CSMD1: variants seen among roughly 807,000 people sequenced by gnomAD.
CSMD1 encodes the protein CUB and sushi domain-containing protein 1.
A neutral mutation model predicts 417.5 loss-of-function variants in CSMD1; 213 were observed. That is an observed-to-expected ratio of 0.51 (90% confidence interval 0.46 to 0.57). CSMD1 has a LOEUF of 0.57. Among genes scored for constraint, CSMD1 ranks in the 20% least tolerant of loss-of-function variants. The pLI, the probability that CSMD1 is intolerant of heterozygous loss-of-function variation, is 0.00. For synonymous variants in CSMD1, 2,862 were observed against 1,736.8 expected, an observed-to-expected ratio of 1.65 and a Z score of -16.11; for missense variants, 6,923 against 4,529.7, an observed-to-expected ratio of 1.53 and a Z score of -15.17.
chr8:3,157,206 G>C (rs890716950), intron 39 of CSMD1, among the ~76,000 whole-genome samples: 2 of 152,064 alleles, frequency 1.3e-5, no homozygotes, highest in Non-Finnish European at 2.9e-5. Context: ...ACAACAAATA[G>C]GTGATGGGTG....
intron 7 of CSMD1, among the ~76,000 whole-genome samples, chr8:3,642,511 G>A (rs1043086269): frequency 9.9e-5 from 15 of 152,138 alleles, no homozygotes; most frequent in African/African-American, 3.6e-4. Flanking sequence ...GAGAAAAACT[G>A]CCTTTATCCA....
intron 26 of CSMD1, among the ~76,000 whole-genome samples, chr8:3,239,815 G>A (rs1343990282): frequency 6.6e-6 from 1 of 152,124 alleles, no homozygotes; most frequent in Non-Finnish European, 1.5e-5. Context: ...GGGAAATGGG[G>A]TGAATGTCAG....
In CSMD1 at chr8:2,937,571, AC is replaced by A. The variant is rs780862838; in HGVS notation, c.*1013del. On this transcript the variant is annotated 3_prime_UTR_variant, in exon 70 of 70. Transcript: ENST00000635120. Reference sequence around the variant, plus strand: ...ACATGGCAAACAGAAATTTCTGCAAACCCCCTGCTATTAAGTAGTATCAGAG... The same window carrying A: ...ACATGGCAAACAGAAATTTCTGCAAACCCCTGCTATTAAGTAGTATCAGAG... The A allele has an allele frequency of 6.6e-6, 1 of 152,158 alleles. No individual in the cohort carries two copies. The highest frequency in any genetic ancestry group is 1.5e-5 in the Non-Finnish European group (1 of 68,028). The allele number at this position is 152,158 out of a possible 1,614,324, so 9.4% of individuals were successfully genotyped here.
chr8:3,631,230 C>G (rs1382643975), intron 7 of CSMD1, among the ~76,000 whole-genome samples: 1 of 152,174 alleles, frequency 6.6e-6, no homozygotes, highest in Non-Finnish European at 1.5e-5. Context: ...CAGCACGTAA[C>G]ACGATCACAA....
At chr8:4,677,918 A>C (rs564738636) in intron 1 of CSMD1, among the ~76,000 whole-genome samples, 4 of 152,178 alleles carry the variant, frequency 2.6e-5, no homozygotes, top group African/African-American at 9.6e-5. Context: ...TGAACTATAT[A>C]TTGATTCCGT....
intron 3 of CSMD1, among the ~76,000 whole-genome samples, chr8:4,358,103 G>A (rs1351672923): frequency 6.6e-6 from 1 of 152,066 alleles, no homozygotes; most frequent in African/African-American, 2.4e-5. Context: ...CATATGCTAT[G>A]ATCAGCCAAT....
chr8:4,774,178 T>A (rs962462528), intron 1 of CSMD1, among the ~76,000 whole-genome samples: 1 of 152,164 alleles, frequency 6.6e-6, no homozygotes, highest in Non-Finnish European at 1.5e-5. Flanking sequence ...CCAGCCTGGG[T>A]GACAGAGCGA....
chr8:4,953,587 T>C (rs1406441995), intron 1 of CSMD1, among the ~76,000 whole-genome samples: 6 of 152,242 alleles, frequency 3.9e-5, no homozygotes, highest in Non-Finnish European at 5.9e-5. Context: ...GATTGTCAAC[T>C]AGTCATAAAA....
intron 3 of CSMD1, among the ~76,000 whole-genome samples, chr8:4,267,863 T>A (rs1293888591): frequency 1.3e-5 from 2 of 152,144 alleles, no homozygotes; most frequent in Non-Finnish European, 2.9e-5. Flanking sequence ...GTCATAGCCA[T>A]ATACTTGTGA....
intron 49 of CSMD1, among the ~76,000 whole-genome samples, chr8:3,085,538 T>TA (rs1277460764): frequency 6.6e-6 from 1 of 152,208 alleles, no homozygotes; most frequent in African/African-American, 2.4e-5. Context: ...AAAGAAGAGA[T>TA]ACCCTGATCA....
intron 2 of CSMD1, among the ~76,000 whole-genome samples, chr8:4,632,558 G>C (rs933318683): frequency 3.9e-5 from 6 of 152,062 alleles, no homozygotes; most frequent in Non-Finnish European, 2.9e-5. Flanking sequence ...GGTAATCACA[G>C]GAGAAGACAC....
At chr8:4,127,101 G>T (rs1308866751) in intron 3 of CSMD1, among the ~76,000 whole-genome samples, 1 of 151,850 alleles carries the variant, frequency 6.6e-6, no homozygotes, top group African/African-American at 2.4e-5. Context: ...AACAATCCTA[G>T]TTATCTGATT....
chr8:3,741,768 G>C (rs917745028), intron 6 of CSMD1, among the ~76,000 whole-genome samples: 3 of 152,120 alleles, frequency 2.0e-5, no homozygotes, highest in East Asian at 3.9e-4. Flanking sequence ...GAATTTATTT[G>C]TGGGAATATG....
At chr8:4,436,128 C>G (rs1202629775) in intron 2 of CSMD1, among the ~76,000 whole-genome samples, 1 of 152,018 alleles carries the variant, frequency 6.6e-6, no homozygotes, top group Non-Finnish European at 1.5e-5. Context: ...TTCATTTCAG[C>G]ATAAAAAATA....
At chr8:4,694,780 G>C (rs936381189) in intron 1 of CSMD1, among the ~76,000 whole-genome samples, 1 of 152,034 alleles carries the variant, frequency 6.6e-6, no homozygotes, top group Non-Finnish European at 1.5e-5. Flanking sequence ...CTGTGTCACG[G>C]GACTGCGCGT....
intron 2 of CSMD1, among the ~76,000 whole-genome samples, chr8:4,563,503 G>T (rs558838887): frequency 6.6e-6 from 1 of 152,254 alleles, no homozygotes; most frequent in African/African-American, 2.4e-5. Context: ...TCCTGTGCCG[G>T]CTATACCTGC....
chr8:4,352,512 T>C (rs544122199), intron 3 of CSMD1, among the ~76,000 whole-genome samples: 41 of 152,316 alleles, frequency 2.7e-4, no homozygotes, highest in African/African-American at 9.1e-4. Context: ...TGAAGAAACA[T>C]GAAATTTTCC....
intron 3 of CSMD1, among the ~76,000 whole-genome samples, chr8:4,125,437 C>A (rs993541135): frequency 1.3e-5 from 2 of 152,196 alleles, no homozygotes; most frequent in Non-Finnish European, 2.9e-5. Flanking sequence ...TCATCTGTTG[C>A]TTGATGTCCC....
At chr8:3,193,649 A>G (rs1372826268) in intron 33 of CSMD1, among the ~76,000 whole-genome samples, 1 of 152,166 alleles carries the variant, frequency 6.6e-6, no homozygotes, top group Non-Finnish European at 1.5e-5. Context: ...AAATCGGGCC[A>G]GTGGAAAAGT....
Sources: gnomAD v4.1 joint callset for allele counts (sites outside exome capture counted in the v4.1 genomes callset) on GRCh38, gnomAD v4.1.1 for gene constraint, MANE v1.5 for transcripts, NCBI Gene and HGNC (gene_info 2026-07-23, HGNC 2026-07-21) for gene names.